The following GRIP1 variants were observed in gnomAD, a reference collection of about 807,000 sequenced individuals.
The protein encoded by GRIP1 is glutamate receptor interacting protein 1.
GRIP1 carries 45 observed loss-of-function variants against 129.9 expected under a neutral mutation model. That is an observed-to-expected ratio of 0.35 (90% CI 0.27 to 0.44). The LOEUF (loss-of-function observed/expected upper bound fraction) is 0.44. GRIP1 is among the 20% of genes least tolerant of loss of function. The probability of loss-of-function intolerance (pLI) is 1.00; values close to 1 mark genes in which losing one functional copy is unlikely to be tolerated. For synonymous variants in GRIP1, 530 were observed against 520.8 expected, an observed-to-expected ratio of 1.02 and a Z score of -0.24; for missense variants, 1,196 against 1,396.8, an observed-to-expected ratio of 0.86 and a Z score of 2.29.
intron 23 of GRIP1, among the ~76,000 whole-genome samples, chr12:66,363,228 T>TATATATATATATATATAA: frequency 8.0e-6 from 1 of 124,608 alleles, no homozygotes; most frequent in African/African-American, 2.9e-5. Context: ...TATATATATA[T>TATATATATATATATATAA]AAAGTTTCTG....
chr12:66,356,895 A>T (rs1015899965), intron 23 of GRIP1, among the ~76,000 whole-genome samples: 1 of 152,018 alleles, frequency 6.6e-6, no homozygotes, highest in Non-Finnish European at 1.5e-5. Flanking sequence ...TTTTGAGACA[A>T]GGTCTTGCTC....
intron 1 of GRIP1, among the ~76,000 whole-genome samples, chr12:67,032,191 A>G (rs1477706513): frequency 6.6e-6 from 1 of 152,228 alleles, no homozygotes; most frequent in East Asian, 1.9e-4. Flanking sequence ...TTTTGAAGAC[A>G]GGAAATCATA....
chr12:66,656,637 G>A (rs2033175401), intron 1 of GRIP1, among the ~76,000 whole-genome samples: 1 of 152,122 alleles, frequency 6.6e-6, no homozygotes, highest in Non-Finnish European at 1.5e-5. Context: ...AGGTCCCAGT[G>A]CTTCATGCAA....
intron 1 of GRIP1, among the ~76,000 whole-genome samples, chr12:66,922,426 C>A (rs1316343907): frequency 6.6e-6 from 1 of 152,182 alleles, no homozygotes; most frequent in East Asian, 1.9e-4. Flanking sequence ...GAAAGTTTCA[C>A]AATGTACCCA....
Position 66,993,648 on chromosome 12 carries a change from G to A in GRIP1, c.58+75402C>T, listed in dbSNP as rs145311705. On this transcript the variant is annotated intron_variant, in intron 1 of 1. Transcript: ENST00000643019. ...TCTACTAAACATACAAAAATTAGCT[G>A]GGCATAGTGGTGCACGGCCATAATC... Among the ~76,000 whole-genome samples, 12 of 151,928 alleles carry A rather than the reference G, an allele frequency of 7.9e-5. No homozygotes were observed. In the East Asian group the frequency reaches 1.9e-3, roughly 25 times the overall value.
At chr12:66,707,451 C>T (rs2035568568) in intron 1 of GRIP1, among the ~76,000 whole-genome samples, 1 of 146,606 alleles carries the variant, frequency 6.8e-6, no homozygotes, top group Admixed American at 7.0e-5. Context: ...TCCTTCTTCT[C>T]TGAGTAGCAG....
At chr12:67,024,453 G>A (rs2042911896) in intron 1 of GRIP1, among the ~76,000 whole-genome samples, 1 of 152,158 alleles carries the variant, frequency 6.6e-6, no homozygotes, top group South Asian at 2.1e-4. Context: ...GAAGGAGAAA[G>A]AGGGGGAAAC....
chr12:66,375,388 C>T (rs1271484412), intron 22 of GRIP1, among the ~76,000 whole-genome samples: 1 of 152,158 alleles, frequency 6.6e-6, no homozygotes, highest in Non-Finnish European at 1.5e-5. Flanking sequence ...TAACCTTCTA[C>T]ATTTATTAGT....
At position 66,858,055 on chromosome 12, in the gene GRIP1, G is replaced by A. The variant is rs141923983; in HGVS notation, c.58+210995C>T. On this transcript the variant is annotated intron_variant, in intron 1 of 1. Coordinates refer to the GRIP1 transcript ENST00000643019. ...CCTTTGATCATGCTTTCCAGGGCAA[G>A]TCTCTCAACAATATTCACCATGTTT... Among the ~76,000 whole-genome samples the A allele has an allele frequency of 5.4e-5, 8 of 149,276 alleles. No individual in the cohort carries two copies. The East Asian group carries it at 1.6e-3, about 30-fold the overall frequency.
chr12:66,907,337 T>C (rs889417499), intron 1 of GRIP1, among the ~76,000 whole-genome samples: 1 of 152,190 alleles, frequency 6.6e-6, no homozygotes, highest in African/African-American at 2.4e-5. Flanking sequence ...TTACTTATAG[T>C]AATAGAACAT....
At chr12:67,052,808 G>C (rs1179109606) in intron 1 of GRIP1, among the ~76,000 whole-genome samples, 2 of 151,744 alleles carry the variant, frequency 1.3e-5, no homozygotes, top group African/African-American at 2.4e-5. Context: ...GAGGGAGGAA[G>C]GAAATCTTTA....
At chr12:66,681,979 T>C (rs921812681), upstream of GRIP1, among the ~76,000 whole-genome samples, 1 of 152,194 alleles carries the variant, frequency 6.6e-6, no homozygotes, top group Non-Finnish European at 1.5e-5. Context: ...TTATAGGTTT[T>C]TGATGCAGAA....
At chr12:67,036,234 T>C (rs1177669488) in intron 1 of GRIP1, among the ~76,000 whole-genome samples, 1 of 152,116 alleles carries the variant, frequency 6.6e-6, no homozygotes, top group Non-Finnish European at 1.5e-5. Context: ...CTTTTACTTT[T>C]ATGAGGGTAA....
Position 66,425,916 on chromosome 12 carries a change from T to C in GRIP1, c.1769-5127A>G, listed in dbSNP as rs567418678. On this transcript the variant is annotated intron_variant, in intron 14 of 24. Coordinates refer to ENST00000359742, the MANE Select transcript of GRIP1 (RefSeq NM_001366722.1). ...GCAGCACACCAACATGGCACATGTA[T>C]ACATATGTAACAAACCTGCACATTG... Among the ~76,000 whole-genome samples the C allele has an allele frequency of 7.0e-4, 107 of 152,272 alleles. 1 individual carries two copies. Among genetic ancestry groups the C allele is most frequent in the Non-Finnish European group, 1.2e-3 (83 of 68,032 alleles).
chr12:66,455,361 C>T (rs370424409), intron 11 of GRIP1, 48 bp downstream of exon 11: 13 of 1,582,404 alleles, frequency 8.2e-6, no homozygotes, highest in East Asian at 6.7e-5. Context: ...GCTCCATTGC[C>T]CACAGGTTTT....
chr12:67,036,331 G>A (rs1363839365), intron 1 of GRIP1, among the ~76,000 whole-genome samples: 1 of 145,344 alleles, frequency 6.9e-6, no homozygotes, highest in Non-Finnish European at 1.5e-5. Flanking sequence ...ACAGAATAAG[G>A]ATGTCTTTTT....
intron 1 of GRIP1, among the ~76,000 whole-genome samples, chr12:66,816,541 A>C (rs1364916091): frequency 1.3e-5 from 2 of 152,174 alleles, no homozygotes; most frequent in East Asian, 3.8e-4. Context: ...TTAAAGATTC[A>C]ATAAATTATG....
chr12:66,984,499 G>A (rs1457381434), intron 1 of GRIP1, among the ~76,000 whole-genome samples: 4 of 152,124 alleles, frequency 2.6e-5, no homozygotes, highest in African/African-American at 9.7e-5. Context: ...CTGTGTGCCA[G>A]GTATTCTTCT....
chr12:66,555,058 G>A (rs1321828818), intron 2 of GRIP1, among the ~76,000 whole-genome samples: 1 of 152,122 alleles, frequency 6.6e-6, no homozygotes, highest in African/African-American at 2.4e-5. Flanking sequence ...GAAAACATAG[G>A]TGGTAGCCAA....
Sources: gnomAD v4.1 joint callset for allele counts (sites outside exome capture counted in the v4.1 genomes callset) on GRCh38, gnomAD v4.1.1 for gene constraint, MANE v1.5 for transcripts, NCBI Gene and HGNC (gene_info 2026-07-23, HGNC 2026-07-21) for gene names.